The following KIF26B variants were observed in gnomAD, a reference collection of about 807,000 sequenced individuals.
KIF26B encodes kinesin family member 26B.
A neutral mutation model predicts 151.2 loss-of-function variants in KIF26B; 63 were observed. The ratio of observed to expected loss-of-function variants is 0.42; its 90% CI spans 0.34 to 0.51. The LOEUF is 0.51. Among genes scored for constraint, KIF26B ranks in the 20% least tolerant of loss-of-function variants. The pLI is 0.07. For missense variants in KIF26B, 2,813 were observed against 2,913.6 expected (o/e 0.97, Z 0.79); for synonymous variants, 1,357 against 1,262.1 (o/e 1.08, Z -1.59).
At chr1:245,633,914 TG>T (rs2043807377) in intron 9 of KIF26B, among the ~76,000 whole-genome samples, 1 of 152,160 alleles carries the variant, frequency 6.6e-6, no homozygotes, top group Non-Finnish European at 1.5e-5. Flanking sequence ...GTAGTGTTCC[TG>T]CCACCTCAGC....
Position 245,441,598 on chromosome 1 carries a change from G to A in KIF26B, c.1166+21853G>A, listed in dbSNP as rs375913812. On this transcript the variant is annotated intron_variant, in intron 4 of 14. Coordinates refer to ENST00000407071, the MANE Select transcript of KIF26B (RefSeq NM_018012.4). ...TAACGTGTGTGAGTCCGACAGTAAC[G>A]AGCAACGCAGACCCCGGGAAGAGGA... Among the ~76,000 whole-genome samples the A allele has an allele frequency of 3.9e-5, 6 of 152,050 alleles. No individual in the cohort carries two copies. The East Asian group carries it at 5.8e-4, about 15-fold the overall frequency.
intron 2 of KIF26B, among the ~76,000 whole-genome samples, chr1:245,300,577 A>G (rs1252348989): frequency 2.0e-5 from 3 of 146,788 alleles, no homozygotes; most frequent in Non-Finnish European, 4.5e-5. Flanking sequence ...TGCCCAGGCT[A>G]TAGTACGGTG....
chr1:245,684,543 C>A, intron 11 of KIF26B, 148 bp downstream of exon 11: 1 of 848,196 alleles, frequency 1.2e-6, no homozygotes, highest in Non-Finnish European at 1.8e-6. Flanking sequence ...GGCTCAGGGT[C>A]CACTTTGGGG....
At chr1:245,650,538 A>T (rs1381365819) in intron 10 of KIF26B, among the ~76,000 whole-genome samples, 1 of 152,196 alleles carries the variant, frequency 6.6e-6, no homozygotes, top group Admixed American at 6.5e-5. Flanking sequence ...CTCAAAATAG[A>T]ATTTCTGGTT....
chr1:245,158,855 TGTGTGTGTGTGTGTG>T lies in KIF26B; in HGVS notation c.465+2181_465+2195del, dbSNP rs1217886986. 4.0e-4 allele frequency among the ~76,000 whole-genome samples: 15 copies of T among 37,938 alleles called. No individual in the cohort carries two copies. The East Asian group carries it at 0.011, about 29-fold the overall frequency. 24.9% of individuals were successfully genotyped at this position (37,938 alleles called of 152,430 possible). On this transcript the variant is annotated intron_variant, in intron 2 of 14. Transcript: ENST00000407071. ...AATAATAATTGTGTGTGTGTGTGTGTGTGTGTGTGTGTGTGGTGTGTGTTTTAAGCATTTGTACCT... is the reference window on the plus strand; with the variant it reads ...AATAATAATTGTGTGTGTGTGTGTGTGTGTGTGTTTTAAGCATTTGTACCT...
chr1:245,176,751 C>A (rs550488544), intron 2 of KIF26B, among the ~76,000 whole-genome samples: 14 of 152,234 alleles, frequency 9.2e-5, no homozygotes, highest in Middle Eastern at 3.4e-3. Flanking sequence ...GGCGATGGGG[C>A]CTTTGACTTT....
chr1:245,625,277 G>A (rs1418490566), intron 9 of KIF26B, among the ~76,000 whole-genome samples: 2 of 152,036 alleles, frequency 1.3e-5, no homozygotes, highest in African/African-American at 2.4e-5. Context: ...TTTTAGAGTC[G>A]CTTTCTAAAT....
chr1:245,652,207 C>T (rs2044027289), intron 10 of KIF26B, among the ~76,000 whole-genome samples: 2 of 151,686 alleles, frequency 1.3e-5, no homozygotes, highest in African/African-American at 4.9e-5. Context: ...TTTTCTCCCC[C>T]TGATTTACAG....
chr1:245,447,300 A>G (rs57421699), intron 4 of KIF26B, among the ~76,000 whole-genome samples: 35,545 of 152,154 alleles, frequency 0.23, 4,314 homozygotes, highest in East Asian at 0.31. Context: ...TTCTAATTCA[A>G]TCCAATCCAA....
chr1:245,509,828 T>C (rs1459682905), intron 4 of KIF26B, among the ~76,000 whole-genome samples: 2 of 152,222 alleles, frequency 1.3e-5, no homozygotes, highest in Non-Finnish European at 2.9e-5. Flanking sequence ...CCTCCCAGCC[T>C]GCCTCACCTG....
At chr1:245,445,698 C>G (rs537998242) in intron 4 of KIF26B, among the ~76,000 whole-genome samples, 1 of 152,340 alleles carries the variant, frequency 6.6e-6, no homozygotes, top group East Asian at 1.9e-4. Flanking sequence ...CCCAGCTACG[C>G]TGGTCACCGA....
chr1:245,464,479 G>A (rs1659725473), intron 4 of KIF26B, among the ~76,000 whole-genome samples: 1 of 150,978 alleles, frequency 6.6e-6, no homozygotes. Flanking sequence ...GTGTGGGGGT[G>A]TGTGCCCGTG....
At chr1:245,324,741 G>A (rs968394107) in intron 2 of KIF26B, among the ~76,000 whole-genome samples, 44 of 152,082 alleles carry the variant, frequency 2.9e-4, no homozygotes, top group Admixed American at 2.6e-3. Context: ...TCAGGCACAC[G>A]GCTGCTGGGA....
At chr1:245,169,337 GTGTGTGTGTGTGT>G (rs1668668610) in intron 2 of KIF26B, among the ~76,000 whole-genome samples, 4 of 151,592 alleles carry the variant, frequency 2.6e-5, no homozygotes, top group South Asian at 2.1e-4. Context: ...TGGTGTGTGT[GTGTGTGTGTGTGT>G]GTGTGTGTGT....
At position 245,155,433 on chromosome 1, in the gene KIF26B, G is replaced by C. The variant is rs756761116; in HGVS notation, c.9G>C (p.Ser3=). 6.2e-7 allele frequency: 1 copy of C among 1,611,522 alleles called. No homozygotes were observed. The highest frequency in any genetic ancestry group is 1.1e-5 in the South Asian group (1 of 90,340). ...CCTCTGGAAAAGCCACCATGAATTC[G>C]GTAGCTGGGAATAAAGAGAGGCTTG... MN[S]VAGNKERLAV... Residue 3 remains serine, a synonymous_variant, in exon 1 of 15, where the codon TCG becomes TCC. Transcript: ENST00000407071.
At chr1:245,271,704 A>G (rs949724799) in intron 2 of KIF26B, among the ~76,000 whole-genome samples, 3 of 151,952 alleles carry the variant, frequency 2.0e-5, no homozygotes, top group Non-Finnish European at 4.4e-5. Context: ...TCTGGGATAA[A>G]TCCCACTTGA....
In KIF26B at chr1:245,560,709, AT is replaced by A. The variant is rs1411318728; in HGVS notation, c.1350+19760del. 1.5e-4 allele frequency among the ~76,000 whole-genome samples: 23 copies of A among 152,284 alleles called. No individual in the cohort carries two copies. The highest frequency in any genetic ancestry group is 1.3e-3 in the Admixed American group (20 of 15,306). ...CTCTCCCCTCTCACGGAAGCCTGACATGTAAATCTCAAGTTGTTAAACCTGC... is the reference window on the plus strand; with the variant it reads ...CTCTCCCCTCTCACGGAAGCCTGACAGTAAATCTCAAGTTGTTAAACCTGC... On this transcript the variant is annotated intron_variant, in intron 5 of 14. Coordinates refer to ENST00000407071, the MANE Select transcript of KIF26B (RefSeq NM_018012.4). This position sits in a 1 kb window ranked among gnomAD's most constrained non-coding sequence, Gnocchi z 4.3.
intron 2 of KIF26B, among the ~76,000 whole-genome samples, chr1:245,299,320 GTTTT>G (rs55957858): frequency 1.7e-3 from 180 of 103,184 alleles, no homozygotes; most frequent in African/African-American, 6.0e-3. Context: ...CCAATTCTGG[GTTTT>G]TTTTTTTTTT....
chr1:245,199,443 C>G (rs1311065294), intron 2 of KIF26B, among the ~76,000 whole-genome samples: 1 of 150,972 alleles, frequency 6.6e-6, no homozygotes, highest in South Asian at 2.1e-4. Flanking sequence ...CCATGTGTCT[C>G]TTTATTCATC....
Sources: allele counts gnomAD v4.1 joint callset (sites outside exome capture counted in the v4.1 genomes callset), GRCh38; gene constraint gnomAD v4.1.1; non-coding constraint Gnocchi (gnomAD v3.1); transcripts MANE v1.5; gene names NCBI Gene and HGNC (gene_info 2026-07-23, HGNC 2026-07-21).